The following VRK2 variants were observed in gnomAD, a reference collection of about 807,000 sequenced individuals.
VRK2 encodes serine/threonine-protein kinase VRK2.
VRK2 carries 60 observed loss-of-function variants against 57.6 expected under a neutral mutation model. The ratio of observed to expected loss-of-function variants is 1.04; its 90% CI spans 0.85 to 1.29. VRK2 has a LOEUF of 1.29. Among genes scored for constraint, VRK2 ranks in the 50% most tolerant of loss-of-function variants. The pLI, the probability that VRK2 is intolerant of heterozygous loss-of-function variation, is 0.00. For missense variants in VRK2, 705 were observed against 588.1 expected (o/e 1.20, Z -2.06); for synonymous variants, 231 against 199.2 (o/e 1.16, Z -1.35).
rs572576521 is a variant in VRK2, at chr2:57,932,404, T to C, written c.-439+24565T>C. Among the ~76,000 whole-genome samples, 2 of 152,294 alleles carry C rather than the reference T, an allele frequency of 1.3e-5. 1 individual carries two copies. The highest frequency in any genetic ancestry group is 4.1e-4 in the South Asian group (2 of 4,830). The stretch of plus-strand genomic sequence containing the variant: ...TATTCATCTGTTCAGATTTCACCTT[T>C]TTAAATATAAAATTCATCTTATTGA... On this transcript the variant is annotated intron_variant, in intron 1 of 15. Coordinates refer to the VRK2 transcript ENST00000417641.
At chr2:58,058,427 G>C (rs1171258985) in intron 2 of VRK2, 3 of 470,416 alleles carry the variant, frequency 6.4e-6, no homozygotes, top group Non-Finnish European at 1.3e-5. Context: ...TTTCAAGCAA[G>C]AGCAATCGGA....
At chr2:58,138,342 CAG>C (rs1478155952) in intron 10 of VRK2, among the ~76,000 whole-genome samples, 2 of 152,016 alleles carry the variant, frequency 1.3e-5, no homozygotes, top group African/African-American at 4.8e-5. Context: ...TGCTAGTTAA[CAG>C]AGATCTGGTT....
chr2:58,061,082 T>C (rs1677255864), intron 2 of VRK2, among the ~76,000 whole-genome samples: 1 of 151,746 alleles, frequency 6.6e-6, no homozygotes, highest in South Asian at 2.1e-4. Flanking sequence ...ACCAGTTTAG[T>C]AAAACTTGGG....
chr2:58,084,972 A>T (rs1671417477), intron 4 of VRK2, 22 bp downstream of exon 4: 3 of 1,559,552 alleles, frequency 1.9e-6, no homozygotes, highest in Admixed American at 3.8e-5. Context: ...TAGCAAAGCA[A>T]GCTACTTCCA....
At chr2:58,118,657 T>C (rs943820625) in intron 7 of VRK2, among the ~76,000 whole-genome samples, 17 of 152,018 alleles carry the variant, frequency 1.1e-4, no homozygotes, top group African/African-American at 3.9e-4. Context: ...AGGGGATTGA[T>C]CTCCCAAGGG....
intron 10 of VRK2, among the ~76,000 whole-genome samples, chr2:58,137,027 GTATA>G (rs1224093312): frequency 1.6e-5 from 2 of 125,530 alleles, no homozygotes; most frequent in East Asian, 4.4e-4. Context: ...TCTCATATGT[GTATA>G]TATATCATAT....
chr2:57,923,941 G>A (rs937386274), intron 1 of VRK2, among the ~76,000 whole-genome samples: 1 of 151,934 alleles, frequency 6.6e-6, no homozygotes, highest in Non-Finnish European at 1.5e-5. Flanking sequence ...TTATGCGTAT[G>A]GATATCCAGT....
chr2:58,017,148 T>G (rs941201175), intron 1 of VRK2, among the ~76,000 whole-genome samples: 2 of 152,044 alleles, frequency 1.3e-5, no homozygotes, highest in African/African-American at 4.8e-5. Flanking sequence ...TGGTAAGAGG[T>G]GTCTTTTGAC....
intron 10 of VRK2, 100 bp from the exon 11 acceptor site, chr2:58,139,560 GATGTAA>G: frequency 2.1e-6 from 2 of 941,500 alleles, no homozygotes; most frequent in Non-Finnish European, 1.6e-6. Context: ...TTCTTCAGGA[GATGTAA>G]ATGTGTAAAA....
rs1322434643 is a variant in VRK2, at chr2:58,084,881, G to A, written c.187G>A (p.Glu63Lys). The A allele has an allele frequency of 3.9e-6, 6 of 1,530,178 alleles. No individual in the cohort carries two copies. Among genetic ancestry groups the A allele is most frequent in the Non-Finnish European group, 5.3e-6 (6 of 1,125,406 alleles). 94.8% of individuals were successfully genotyped at this position (1,530,178 alleles called of 1,614,324 possible). The change falls in exon 4 of 13, where the codon GAA becomes AAA. Residue 63 changes from glutamate to lysine, a missense_variant and splice_region_variant. Physicochemically the swap from Glu to Lys is moderately conservative, Grantham distance 56. Coordinates refer to ENST00000340157, the MANE Select transcript of VRK2 (RefSeq NM_006296.7). ...AAATTAATTATTCTTTTTTTTATAGGAATATCAAGAAAATGGCCCGTTATT... is the reference window on the plus strand; with the variant it reads ...AAATTAATTATTCTTTTTTTTATAGAAATATCAAGAAAATGGCCCGTTATT... The part of the protein sequence containing the change: ...EKDARHVVKV[E>K]YQENGPLFSE...
Position 57,912,874 on chromosome 2 carries a change from G to A in VRK2, c.-439+5035G>A, listed in dbSNP as rs544687565. Among the ~76,000 whole-genome samples the A allele has an allele frequency of 6.6e-5, 10 of 152,250 alleles. No individual in the cohort carries two copies. The South Asian group carries it at 2.1e-3, about 32-fold the overall frequency. On this transcript the variant is annotated intron_variant, in intron 1 of 15. Coordinates refer to the VRK2 transcript ENST00000417641. ...TAATGTGACGGTATTAGAAGGTGGG[G>A]ACTTTGGGACATGATGGTGAAGCCC...
intron 2 of VRK2, among the ~76,000 whole-genome samples, chr2:58,050,538 A>G (rs930696367): frequency 2.6e-5 from 4 of 152,218 alleles, no homozygotes; most frequent in African/African-American, 7.2e-5. Context: ...TCCATAGCTT[A>G]TCACTTTTGG....
chr2:57,945,888 A>T (rs1671247968), intron 1 of VRK2, among the ~76,000 whole-genome samples: 1 of 152,216 alleles, frequency 6.6e-6, no homozygotes, highest in Admixed American at 6.5e-5. Flanking sequence ...TAGTGATCTG[A>T]CAAAGTGATA....
chr2:57,921,286 G>A (rs1572862006), intron 1 of VRK2, among the ~76,000 whole-genome samples: 1 of 148,036 alleles, frequency 6.8e-6, no homozygotes. Context: ...TCTTAAGCGC[G>A]CACACACACA....
At chr2:58,157,402 C>T (rs988990795) in intron 12 of VRK2, among the ~76,000 whole-genome samples, 9 of 152,066 alleles carry the variant, frequency 5.9e-5, no homozygotes, top group Admixed American at 1.3e-4. Context: ...TAGGATGTTT[C>T]GCATCATTCC....
chr2:57,923,471 T>C (rs1670422857), intron 1 of VRK2, among the ~76,000 whole-genome samples: 1 of 152,042 alleles, frequency 6.6e-6, no homozygotes, highest in African/African-American at 2.4e-5. Flanking sequence ...TGCATTTTCC[T>C]GATGACCAAT....
intron 1 of VRK2, among the ~76,000 whole-genome samples, chr2:58,002,156 G>A (rs1431505294): frequency 1.3e-5 from 2 of 152,080 alleles, no homozygotes; most frequent in Non-Finnish European, 2.9e-5. Flanking sequence ...ATATAATTCT[G>A]GTGAGGAAGT....
At chr2:58,046,504 A>G, upstream of VRK2, 10 of 985,470 alleles carry the variant, frequency 1.0e-5, no homozygotes, top group Non-Finnish European at 1.2e-5. Flanking sequence ...ACACAAATGC[A>G]TGTCGTGCTT....
At chr2:57,912,029 C>G (rs1261167443) in intron 1 of VRK2, among the ~76,000 whole-genome samples, 2 of 151,984 alleles carry the variant, frequency 1.3e-5, no homozygotes, top group Non-Finnish European at 2.9e-5. Flanking sequence ...CTTACTAGAC[C>G]CCATAAAAGG....
Sources: gnomAD v4.1 joint callset for allele counts (sites outside exome capture counted in the v4.1 genomes callset) on GRCh38, gnomAD v4.1.1 for gene constraint, MANE v1.5 for transcripts, NCBI Gene and HGNC (gene_info 2026-07-23, HGNC 2026-07-21) for gene names.